NR2F1-AS1: variants seen among roughly 807,000 people sequenced by gnomAD.
NR2F1-AS1 encodes NR2F1 antisense RNA 1.
rs1240298507 is a variant in NR2F1-AS1 at position 93,579,848 on chromosome 5, G to A, written n.313+619C>T. On this transcript the variant is annotated intron_variant and non_coding_transcript_variant, in intron 1 of 5. Coordinates refer to ENST00000660523, the Ensembl canonical transcript of NR2F1-AS1. This position sits in a 1 kb window ranked among gnomAD's most constrained non-coding sequence, Gnocchi z 5.1. ...ATCCCGGTGCTCTCTCGCCGCCGCC[G>A]CAGGTTGTCTGCTCGGGAGAGCGGC... Among the ~76,000 whole-genome samples the A allele has an allele frequency of 2.0e-5, 3 of 152,222 alleles. No individual in the cohort carries two copies. The highest frequency in any genetic ancestry group is 4.4e-5 in the Non-Finnish European group (3 of 68,048).
At chr5:93,577,440 A>G (rs1264835403) in intron 1 of NR2F1-AS1, among the ~76,000 whole-genome samples, 1 of 152,226 alleles carries the variant, frequency 6.6e-6, no homozygotes, top group Admixed American at 6.5e-5. Flanking sequence ...AACTTGGCCT[A>G]TCCACCTGGT....
chr5:93,474,451 C>T (rs932490795), intron 4 of NR2F1-AS1, among the ~76,000 whole-genome samples: 2 of 152,112 alleles, frequency 1.3e-5, no homozygotes, highest in African/African-American at 2.4e-5. Context: ...TGTCTTAGTC[C>T]ATTCAGGCTG....
At chr5:93,520,029 A>C (rs914877413) in intron 4 of NR2F1-AS1, among the ~76,000 whole-genome samples, 3 of 152,030 alleles carry the variant, frequency 2.0e-5, no homozygotes, top group Admixed American at 2.0e-4. Flanking sequence ...AGAGCTTTAA[A>C]AAGACAAATT....
At chr5:93,518,066 A>G (rs1181554917) in intron 4 of NR2F1-AS1, among the ~76,000 whole-genome samples, 5 of 152,120 alleles carry the variant, frequency 3.3e-5, no homozygotes, top group African/African-American at 4.8e-5. Flanking sequence ...AGTAACTAGT[A>G]CTAGAGGCAT....
intron 4 of NR2F1-AS1, among the ~76,000 whole-genome samples, chr5:93,502,749 A>G (rs1244749344): frequency 6.6e-6 from 1 of 151,676 alleles, no homozygotes; most frequent in Non-Finnish European, 1.5e-5. Flanking sequence ...AACCCTAAAG[A>G]TAGGTTTGGG....
chr5:93,526,098 T>C (rs567020298), intron 4 of NR2F1-AS1, among the ~76,000 whole-genome samples: 19 of 152,078 alleles, frequency 1.2e-4, no homozygotes, highest in African/African-American at 4.3e-4. Context: ...ACAAAATAGA[T>C]AGACTGCTAG....
rs959743948 is a variant in NR2F1-AS1 at position 93,475,526 on chromosome 5, C to T, written n.638+78235G>A. On this transcript the variant is annotated intron_variant and non_coding_transcript_variant, in intron 4 of 5. Transcript: ENST00000660523. Reference sequence around the variant, plus strand: ...TGATAGAATTACAGTACAGCACACCCTAGAAGGGAACACAACTGCTTTCAT... The same window carrying T: ...TGATAGAATTACAGTACAGCACACCTTAGAAGGGAACACAACTGCTTTCAT... 2.0e-5 allele frequency among the ~76,000 whole-genome samples: 3 copies of T among 152,204 alleles called. No homozygotes were observed. The East Asian group carries it at 5.8e-4, about 29-fold the overall frequency.
At chr5:93,486,441 T>G (rs1430338626) in intron 4 of NR2F1-AS1, among the ~76,000 whole-genome samples, 3 of 151,936 alleles carry the variant, frequency 2.0e-5, no homozygotes, top group African/African-American at 7.3e-5. Context: ...AAATACAAAC[T>G]ACCATCAGAG....
intron 4 of NR2F1-AS1, among the ~76,000 whole-genome samples, chr5:93,469,911 G>A (rs1456828883): frequency 6.6e-6 from 1 of 151,992 alleles, no homozygotes; most frequent in Non-Finnish European, 1.5e-5. Flanking sequence ...AATAGAAAAT[G>A]TGACAAGTGC....
intron 4 of NR2F1-AS1, among the ~76,000 whole-genome samples, chr5:93,489,629 T>G (rs976537826): frequency 3.3e-5 from 5 of 152,032 alleles, no homozygotes; most frequent in Admixed American, 3.3e-4. Flanking sequence ...AAAGCCACAA[T>G]AGAAGTGAGA....
At chr5:93,483,426 C>G (rs895540819) in intron 4 of NR2F1-AS1, among the ~76,000 whole-genome samples, 1 of 152,146 alleles carries the variant, frequency 6.6e-6, no homozygotes, top group African/African-American at 2.4e-5. Flanking sequence ...GATGTCCACA[C>G]AGAAACCCCA....
chr5:93,490,710 G>A (rs1268985706), intron 4 of NR2F1-AS1, among the ~76,000 whole-genome samples: 10 of 151,780 alleles, frequency 6.6e-5, no homozygotes, highest in African/African-American at 2.2e-4. Flanking sequence ...GATAGCAATG[G>A]TGGTGGTGGT....
At chr5:93,509,578 G>A (rs1239999018) in intron 4 of NR2F1-AS1, among the ~76,000 whole-genome samples, 1 of 151,992 alleles carries the variant, frequency 6.6e-6, no homozygotes, top group Non-Finnish European at 1.5e-5. Flanking sequence ...TATCTCTGGA[G>A]AAGTAAAATG....
chr5:93,557,811 C>T (rs150606591), intron 2 of NR2F1-AS1, among the ~76,000 whole-genome samples: 55 of 152,284 alleles, frequency 3.6e-4, no homozygotes, highest in African/African-American at 1.3e-3. Context: ...AGCATTTTTA[C>T]CCACAGTAGA....
upstream of NR2F1-AS1, among the ~76,000 whole-genome samples, chr5:93,581,466 T>C (rs1753029242): frequency 6.6e-6 from 1 of 152,138 alleles, no homozygotes; most frequent in African/African-American, 2.4e-5. Context: ...TTCAAAGTGC[T>C]GTCTTCGTTT....
intron 4 of NR2F1-AS1, among the ~76,000 whole-genome samples, chr5:93,536,060 C>CA (rs544165211): frequency 3.0e-4 from 45 of 151,790 alleles, no homozygotes; most frequent in Admixed American, 1.9e-3. Flanking sequence ...AAGACTCCAC[C>CA]AAAAAAATTG....
intron 4 of NR2F1-AS1, among the ~76,000 whole-genome samples, chr5:93,440,294 T>C (rs1343418440): frequency 6.6e-6 from 1 of 152,168 alleles, no homozygotes; most frequent in East Asian, 1.9e-4. Flanking sequence ...AGAAACTTGA[T>C]TAAACATTGT....
intron 4 of NR2F1-AS1, among the ~76,000 whole-genome samples, chr5:93,501,904 A>G (rs1751088596): frequency 6.6e-6 from 1 of 152,104 alleles, no homozygotes; most frequent in African/African-American, 2.4e-5. Flanking sequence ...GGCAAACTTC[A>G]TTGTTGTCTT....
At chr5:93,502,268 T>C (rs141834387) in intron 4 of NR2F1-AS1, among the ~76,000 whole-genome samples, 1 of 152,186 alleles carries the variant, frequency 6.6e-6, no homozygotes, top group South Asian at 2.1e-4. Context: ...CTCTGAGGTA[T>C]GTCTGTAAAC....
Sources: allele counts gnomAD v4.1 joint callset (sites outside exome capture counted in the v4.1 genomes callset), GRCh38; gene constraint gnomAD v4.1.1; non-coding constraint Gnocchi (gnomAD v3.1); transcripts MANE v1.5; gene names NCBI Gene and HGNC (gene_info 2026-07-23, HGNC 2026-07-21).